C8orf34: variants seen among roughly 807,000 people sequenced by gnomAD.
The protein encoded by C8orf34 is chromosome 8 open reading frame 34, also known as uncharacterized protein C8orf34.
C8orf34 carries 65 observed loss-of-function variants against 68.3 expected under a neutral mutation model. That is an observed-to-expected ratio of 0.95 (90% CI 0.78 to 1.17). The LOEUF is 1.17. C8orf34 is among the 50% of genes most tolerant of loss of function. The probability of loss-of-function intolerance (pLI) is 0.00; values close to 1 mark genes in which losing one functional copy is unlikely to be tolerated. For missense variants in C8orf34, 664 were observed against 655.4 expected, an observed-to-expected ratio of 1.01 and a Z score of -0.14; for synonymous variants, 244 against 241.2, an observed-to-expected ratio of 1.01 and a Z score of -0.11.
intron 7 of C8orf34, among the ~76,000 whole-genome samples, chr8:68,594,493 C>T (rs900060159): frequency 1.3e-5 from 2 of 152,036 alleles, no homozygotes; most frequent in Admixed American, 6.6e-5. Flanking sequence ...AGATTTGTTA[C>T]ATGCATATAT....
intron 7 of C8orf34, among the ~76,000 whole-genome samples, chr8:68,565,055 A>C (rs1188183022): frequency 6.6e-6 from 1 of 152,196 alleles, no homozygotes; most frequent in Admixed American, 6.5e-5. Flanking sequence ...GCCCCATAGG[A>C]GCAGGTAGAA....
intron 1 of C8orf34, among the ~76,000 whole-genome samples, chr8:68,347,970 A>G (rs1806352384): frequency 6.6e-6 from 1 of 151,658 alleles, no homozygotes. Flanking sequence ...GTTTAATTAG[A>G]TTTCATTTGT....
chr8:68,450,177 T>C, intron 3 of C8orf34, among the ~76,000 whole-genome samples: 1 of 152,136 alleles, frequency 6.6e-6, no homozygotes, highest in East Asian at 1.9e-4. Flanking sequence ...CCTCATCCAT[T>C]CAATGTCTAT....
intron 12 of C8orf34, among the ~76,000 whole-genome samples, chr8:68,789,991 T>C (rs573722160): frequency 1.1e-3 from 169 of 152,278 alleles, no homozygotes; most frequent in African/African-American, 3.9e-3. Context: ...TTGACAATGG[T>C]AAATTGCTTG....
chr8:68,744,421 T>C (rs369870980), intron 10 of C8orf34, among the ~76,000 whole-genome samples: 2 of 151,676 alleles, frequency 1.3e-5, no homozygotes, highest in Non-Finnish European at 2.9e-5. Context: ...AGGCTTCAGA[T>C]GATCAAATTA....
chr8:68,437,493 G>A (rs1810712321), intron 1 of C8orf34, among the ~76,000 whole-genome samples: 1 of 151,970 alleles, frequency 6.6e-6, no homozygotes, highest in African/African-American at 2.4e-5. Context: ...CCTTTATAAT[G>A]TAAAATTAGT....
At position 68,420,366 on chromosome 8, in the gene C8orf34, GA is replaced by G. The variant is rs1207951150; in HGVS notation, c.328-19124del. The stretch of plus-strand genomic sequence containing the variant: ...TATATTTGGGTCATCTGGAATTCCA[GA>G]AAAAAAAATGTAAATTTTTTGAAAT... On this transcript the variant is annotated intron_variant, in intron 1 of 13. Coordinates refer to ENST00000518698, the MANE Select transcript of C8orf34 (RefSeq NM_052958.4). 3.1e-4 allele frequency among the ~76,000 whole-genome samples: 47 copies of G among 151,022 alleles called. 1 individual carries two copies. Among genetic ancestry groups the G allele is most frequent in the Non-Finnish European group, 4.1e-4 (28 of 67,688 alleles).
chr8:68,481,580 G>A (rs572001623), intron 4 of C8orf34, among the ~76,000 whole-genome samples: 29 of 152,330 alleles, frequency 1.9e-4, no homozygotes, highest in African/African-American at 5.8e-4. Flanking sequence ...CCACAGGGGC[G>A]GGGCTGCCTA....
At chr8:68,352,272 GA>G in intron 1 of C8orf34, among the ~76,000 whole-genome samples, 1 of 152,012 alleles carries the variant, frequency 6.6e-6, no homozygotes, top group South Asian at 2.1e-4. Flanking sequence ...TCAATTCACT[GA>G]AAAAAGTTAC....
At chr8:68,740,302 G>A (rs1822244272) in intron 10 of C8orf34, among the ~76,000 whole-genome samples, 1 of 151,884 alleles carries the variant, frequency 6.6e-6, no homozygotes, top group Non-Finnish European at 1.5e-5. Flanking sequence ...GAAACTATCA[G>A]CAAACAGACA....
intron 8 of C8orf34, among the ~76,000 whole-genome samples, chr8:68,646,084 T>C (rs934848228): frequency 6.6e-6 from 1 of 152,184 alleles, no homozygotes; most frequent in African/African-American, 2.4e-5. Context: ...AAAATTTTAG[T>C]TAATACATCT....
At chr8:68,727,278 C>T (rs924117765) in intron 10 of C8orf34, among the ~76,000 whole-genome samples, 7 of 152,200 alleles carry the variant, frequency 4.6e-5, no homozygotes, top group Non-Finnish European at 5.9e-5. Flanking sequence ...TCTCCTTTGA[C>T]TCCAGGTCTC....
chr8:68,720,956 C>G (rs936766295), intron 9 of C8orf34, among the ~76,000 whole-genome samples: 1 of 151,756 alleles, frequency 6.6e-6, no homozygotes, highest in East Asian at 1.9e-4. Flanking sequence ...AGAGAGAGCA[C>G]AAAATATTAC....
chr8:68,714,223 C>T (rs79639599), intron 9 of C8orf34, among the ~76,000 whole-genome samples: 11,311 of 152,084 alleles, frequency 0.074, 612 homozygotes, highest in African/African-American at 0.15. Context: ...TCCCTGAGAC[C>T]GGAAGAAGAC....
At chr8:68,401,980 A>G (rs1303642942) in intron 1 of C8orf34, among the ~76,000 whole-genome samples, 1 of 151,936 alleles carries the variant, frequency 6.6e-6, no homozygotes, top group East Asian at 1.9e-4. Context: ...CAGTTTCAGG[A>G]TGACTTGTAT....
intron 4 of C8orf34, among the ~76,000 whole-genome samples, chr8:68,477,333 C>T (rs1349854021): frequency 1.3e-5 from 2 of 152,164 alleles, no homozygotes; most frequent in Non-Finnish European, 2.9e-5. Context: ...CTCTTGGAGG[C>T]AACATGGGGA....
In C8orf34 at chr8:68,470,215, A is replaced by G. The variant is rs566409624; in HGVS notation, c.736+1395A>G. Among the ~76,000 whole-genome samples the G allele has an allele frequency of 2.6e-5, 4 of 152,084 alleles. No individual in the cohort carries two copies. In the South Asian group the frequency reaches 8.3e-4, roughly 31 times the overall value. On this transcript the variant is annotated intron_variant, in intron 4 of 13. Transcript: ENST00000518698. ...GAGCCTGATTCTCTTCATATGGCAAAGGCACATATTCGTATTTATGAATCT... is the reference window on the plus strand; with the variant it reads ...GAGCCTGATTCTCTTCATATGGCAAGGGCACATATTCGTATTTATGAATCT...
At chr8:68,630,188 C>A (rs1360898359) in intron 7 of C8orf34, among the ~76,000 whole-genome samples, 1 of 151,330 alleles carries the variant, frequency 6.6e-6, no homozygotes, top group South Asian at 2.1e-4. Flanking sequence ...ATAATTGAAA[C>A]AATGTAATAA....
chr8:68,706,440 G>A (rs1464780418), intron 8 of C8orf34, among the ~76,000 whole-genome samples: 2 of 152,040 alleles, frequency 1.3e-5, no homozygotes, highest in African/African-American at 2.4e-5. Flanking sequence ...ATTTGTTTTC[G>A]GAGACAGGGA....
Sources: gnomAD v4.1 joint callset for allele counts (sites outside exome capture counted in the v4.1 genomes callset) on GRCh38, gnomAD v4.1.1 for gene constraint, MANE v1.5 for transcripts, NCBI Gene and HGNC (gene_info 2026-07-23, HGNC 2026-07-21) for gene names.